MICAL2: variants seen among roughly 807,000 people sequenced by gnomAD.
The protein encoded by MICAL2 is microtubule associated monooxygenase, calponin and LIM domain containing 2, also known as [F-actin]-monooxygenase MICAL2.
Under a neutral mutation model 127.3 loss-of-function variants are expected in MICAL2, and 77 were observed. The ratio of observed to expected loss-of-function variants is 0.60; its 90% CI spans 0.50 to 0.73. The LOEUF (loss-of-function observed/expected upper bound fraction) is 0.73, where lower values mean the gene tolerates loss of function less well. Ranked by LOEUF, MICAL2 falls within the 30% of genes least tolerant of loss-of-function variation. MICAL2 has a pLI of 0.00. For synonymous variants in MICAL2, 570 were observed against 551.1 expected (o/e 1.03, Z -0.48); for missense variants, 1,351 against 1,434.4 (o/e 0.94, Z 0.94).
intron 2 of MICAL2, among the ~76,000 whole-genome samples, chr11:12,286,710 A>C (rs938126012): frequency 6.6e-6 from 1 of 152,128 alleles, no homozygotes; most frequent in Non-Finnish European, 1.5e-5. Context: ...CTCTATAAAA[A>C]ATAAAAATTA....
chr11:12,195,438 A>G (rs1221539602), intron 3 of MICAL2, among the ~76,000 whole-genome samples: 1 of 152,216 alleles, frequency 6.6e-6, no homozygotes, highest in Non-Finnish European at 1.5e-5. Context: ...ATACATGCTA[A>G]AGCAAGGAGA....
At chr11:12,244,192 C>T in intron 21 of MICAL2, 80 bp downstream of exon 21, 2 of 1,545,592 alleles carry the variant, frequency 1.3e-6, no homozygotes, top group South Asian at 1.1e-5. Context: ...CCTGCACAAA[C>T]ATCTTGAGCC....
At chr11:12,184,074 C>T (rs1020967361) in intron 3 of MICAL2, among the ~76,000 whole-genome samples, 3 of 152,234 alleles carry the variant, frequency 2.0e-5, no homozygotes, top group South Asian at 2.1e-4. Context: ...GCCACCACGT[C>T]GGATCTTGGC....
chr11:12,266,493 C>T (rs1485268688), downstream of MICAL2, among the ~76,000 whole-genome samples: 1 of 152,158 alleles, frequency 6.6e-6, no homozygotes, highest in Non-Finnish European at 1.5e-5. Flanking sequence ...CTTTTACTGC[C>T]CCCCAGCCAG....
intron 17 of MICAL2, among the ~76,000 whole-genome samples, chr11:12,240,065 G>T (rs894124409): frequency 1.3e-5 from 2 of 152,254 alleles, no homozygotes; most frequent in East Asian, 3.8e-4. Flanking sequence ...AGTCCACAGT[G>T]AGAAGATCCA....
At chr11:12,236,633 G>C (rs1025391197) in intron 16 of MICAL2, among the ~76,000 whole-genome samples, 2 of 152,176 alleles carry the variant, frequency 1.3e-5, no homozygotes, top group Non-Finnish European at 2.9e-5. Flanking sequence ...CCCAATCATC[G>C]TTTGTATCCA....
intron 1 of MICAL2, among the ~76,000 whole-genome samples, chr11:12,134,024 G>A (rs1245053725): frequency 6.6e-6 from 1 of 152,188 alleles, no homozygotes; most frequent in Non-Finnish European, 1.5e-5. Context: ...GGTGTGCATG[G>A]GGTGGAACAG....
intron 24 of MICAL2, among the ~76,000 whole-genome samples, chr11:12,257,534 A>G (rs1356484911): frequency 2.0e-5 from 3 of 152,206 alleles, no homozygotes; most frequent in African/African-American, 7.2e-5. Flanking sequence ...GAGAGGCAGT[A>G]TAGCATGGTG....
chr11:12,321,319 G>A lies in MICAL2; in HGVS notation c.5328+1508G>A, dbSNP rs568129652. ...ACTGAAGGAAAGAGAGGAGGTTTTCGTCCTCTGGTTTCTTTGTCTCTTCTA... is the reference window on the plus strand; with the variant it reads ...ACTGAAGGAAAGAGAGGAGGTTTTCATCCTCTGGTTTCTTTGTCTCTTCTA... On this transcript the variant is annotated intron_variant, in intron 30 of 34. Coordinates refer to the MICAL2 transcript ENST00000646065. Among the ~76,000 whole-genome samples the A allele has an allele frequency of 3.3e-5, 5 of 152,234 alleles. No homozygotes were observed. In the South Asian group the frequency reaches 6.2e-4, roughly 19 times the overall value.
At chr11:12,300,000 A>T (rs569444119) in intron 29 of MICAL2, among the ~76,000 whole-genome samples, 1 of 152,134 alleles carries the variant, frequency 6.6e-6, no homozygotes, top group African/African-American at 2.4e-5. Flanking sequence ...GCTGTGTAGA[A>T]TCTAGTCCTC....
chr11:12,159,748 G>A (rs1012632817), intron 2 of MICAL2, among the ~76,000 whole-genome samples: 5 of 152,212 alleles, frequency 3.3e-5, no homozygotes, highest in Non-Finnish European at 7.3e-5. Context: ...ATGTTAATAC[G>A]ATCTGCAAAG....
At chr11:12,328,526 A>G (rs1864379636) in intron 32 of MICAL2, among the ~76,000 whole-genome samples, 1 of 152,178 alleles carries the variant, frequency 6.6e-6, no homozygotes, top group Admixed American at 6.5e-5. Context: ...TTCACAAATG[A>G]GCTAGTGAAG....
intron 32 of MICAL2, among the ~76,000 whole-genome samples, chr11:12,347,707 A>T (rs1429603476): frequency 6.6e-6 from 1 of 152,240 alleles, no homozygotes; most frequent in East Asian, 1.9e-4. Context: ...TATCATATTC[A>T]GTATTATAAA....
chr11:12,227,277 G>A (rs1857605431), intron 15 of MICAL2, 146 bp downstream of exon 15: 1 of 613,334 alleles, frequency 1.6e-6, no homozygotes, highest in Non-Finnish European at 2.9e-6. Flanking sequence ...ACTCGGATTA[G>A]TGACTGAGTG....
chr11:12,293,786 G>A (rs756328419), downstream of MICAL2: 30 of 1,612,942 alleles, frequency 1.9e-5, no homozygotes, highest in Non-Finnish European at 2.5e-5. Context: ...GCCAGCAGAG[G>A]CCCCTCTTGG....
intron 1 of MICAL2, among the ~76,000 whole-genome samples, chr11:12,280,496 T>A (rs566630454): frequency 6.6e-6 from 1 of 152,242 alleles, no homozygotes; most frequent in Non-Finnish European, 1.5e-5. Context: ...GTGGGCAGGG[T>A]TGGTTCCTAC....
intron 1 of MICAL2, among the ~76,000 whole-genome samples, chr11:12,135,415 A>G (rs551952068): frequency 4.6e-5 from 7 of 152,166 alleles, no homozygotes; most frequent in African/African-American, 1.7e-4. Flanking sequence ...GCTGGAAGTG[A>G]ACCCAAGCAG....
chr11:12,260,786 G>A (rs1863010053), intron 26 of MICAL2: 1 of 985,470 alleles, frequency 1.0e-6, no homozygotes, highest in Non-Finnish European at 1.2e-6. Context: ...CCCCTGGGAG[G>A]AGGACTGTTT....
intron 29 of MICAL2, among the ~76,000 whole-genome samples, chr11:12,298,593 TTTTCCC>T (rs1864012448): frequency 6.6e-6 from 1 of 152,166 alleles, no homozygotes; most frequent in East Asian, 1.9e-4. Flanking sequence ...CTGCTGGTGT[TTTTCCC>T]AGTTAAGCAT....
Sources: allele counts gnomAD v4.1 joint callset (sites outside exome capture counted in the v4.1 genomes callset), GRCh38; gene constraint gnomAD v4.1.1; transcripts MANE v1.5; gene names NCBI Gene and HGNC (gene_info 2026-07-23, HGNC 2026-07-21).